KCNAB1: variants seen among roughly 807,000 people sequenced by gnomAD.
KCNAB1 encodes the protein voltage-gated potassium channel subunit beta-1.
A neutral mutation model predicts 64.6 loss-of-function variants in KCNAB1; 35 were observed. The observed-to-expected ratio is 0.54, with a 90% CI of 0.41 to 0.72. The LOEUF is 0.72. Ranked by LOEUF, KCNAB1 falls within the 30% of genes least tolerant of loss-of-function variation. The pLI, the probability that KCNAB1 is intolerant of heterozygous loss-of-function variation, is 0.00. For missense variants in KCNAB1, 401 were observed against 512.9 expected, an observed-to-expected ratio of 0.78 and a Z score of 2.11; for synonymous variants, 177 against 183.8, an observed-to-expected ratio of 0.96 and a Z score of 0.30.
rs1713302740 is a variant in KCNAB1, at chr3:156,120,885, A to G, written c.274A>G (p.Arg92Gly). Residue 92 changes from arginine to glycine, a missense_variant and splice_region_variant, in exon 1 of 14, where the codon AGG (arginine) becomes GGG (glycine). By Grantham distance (125) the Arg-to-Gly change is moderately radical. Transcript: ENST00000490337. ...CGTCTGCACCACAGGCATGCCGCAC[A>G]GGTAAGCTGCCCCTGCTCTGCGCGG... ...TTVCTTGMPH[R>G]NLGKSGLRVS... 6.2e-7 allele frequency: 1 copy of G among 1,613,602 alleles called. No homozygotes were observed. The highest frequency in any genetic ancestry group is 8.5e-7 in the Non-Finnish European group (1 of 1,179,768).
At chr3:156,232,427 C>T (rs571127887) in intron 1 of KCNAB1, among the ~76,000 whole-genome samples, 5 of 152,352 alleles carry the variant, frequency 3.3e-5, no homozygotes, top group Non-Finnish European at 5.9e-5. Context: ...TAGACAGGCT[C>T]TTATTTGCTT....
chr3:156,309,996 C>G (rs767398008), intron 1 of KCNAB1, among the ~76,000 whole-genome samples: 10 of 152,192 alleles, frequency 6.6e-5, no homozygotes, highest in Non-Finnish European at 1.2e-4. Flanking sequence ...CAAGTACCTC[C>G]AACAGGGCTT....
intron 11 of KCNAB1, among the ~76,000 whole-genome samples, chr3:156,521,635 C>T (rs2108404486): frequency 6.6e-6 from 1 of 152,306 alleles, no homozygotes; most frequent in African/African-American, 2.4e-5. Context: ...GTCCAGTCAG[C>T]AAGCAGGGTT....
At position 156,536,790 on chromosome 3, in the gene KCNAB1, C is replaced by T. The variant is rs780700507; in HGVS notation, c.*43C>T. On this transcript the variant is annotated 3_prime_UTR_variant, in exon 14 of 14. Coordinates refer to ENST00000490337, the MANE Select transcript of KCNAB1 (RefSeq NM_172160.3). The stretch of plus-strand genomic sequence containing the variant: ...AGAAGCTGCATGGTTAAAATAGCGG[C>T]CTGTGCCCAGTACAGAAAGGTGTTA... 4.8e-5 allele frequency: 65 copies of T among 1,358,830 alleles called. No homozygotes were observed. Among genetic ancestry groups the T allele is most frequent in the Non-Finnish European group, 6.4e-5 (61 of 948,130 alleles). 84.2% of individuals were successfully genotyped at this position (1,358,830 alleles called of 1,614,324 possible). A position where few individuals can be genotyped will look rare whatever the true frequency, so the allele number is the denominator to read the frequency against.
intron 13 of KCNAB1, among the ~76,000 whole-genome samples, chr3:156,534,596 G>A (rs1168236586): frequency 6.6e-6 from 1 of 152,164 alleles, no homozygotes; most frequent in African/African-American, 2.4e-5. Context: ...CAGAGCTTCG[G>A]CGATAACAGT....
At chr3:156,273,176 G>C (rs956650241) in intron 1 of KCNAB1, among the ~76,000 whole-genome samples, 4 of 151,818 alleles carry the variant, frequency 2.6e-5, no homozygotes, top group Non-Finnish European at 5.9e-5. Flanking sequence ...TATGCTGCTT[G>C]GGAGTGGGGA....
Position 156,186,043 on chromosome 3 carries a change from G to A in KCNAB1, c.275+65157G>A, listed in dbSNP as rs116790546. Among the ~76,000 whole-genome samples, 483 of 152,286 alleles carry A rather than the reference G, an allele frequency of 3.2e-3. 2 individuals carry two copies. Among genetic ancestry groups the A allele is most frequent in the African/African-American group, 0.011 (459 of 41,544 alleles). ...ATATTCTCTTCTCTGCATCTACATA[G>A]GAGCAGCTACTGAGCATAGTGCAGA... On this transcript the variant is annotated intron_variant, in intron 1 of 13. Coordinates refer to ENST00000490337, the MANE Select transcript of KCNAB1 (RefSeq NM_172160.3).
intron 1 of KCNAB1, among the ~76,000 whole-genome samples, chr3:156,400,045 A>G (rs2108188579): frequency 6.6e-6 from 1 of 152,334 alleles, no homozygotes; most frequent in South Asian, 2.1e-4. Context: ...AACACCTGAG[A>G]GTTGAGATGA....
At chr3:156,192,412 G>A (rs1713616218) in intron 1 of KCNAB1, among the ~76,000 whole-genome samples, 1 of 152,134 alleles carries the variant, frequency 6.6e-6, no homozygotes, top group African/African-American at 2.4e-5. Flanking sequence ...ATATAGCTTA[G>A]AATATAATTT....
chr3:156,209,867 G>A (rs1016625208), intron 1 of KCNAB1, among the ~76,000 whole-genome samples: 2 of 152,192 alleles, frequency 1.3e-5, no homozygotes, highest in African/African-American at 4.8e-5. Context: ...AAAGATAAGG[G>A]CTTGGAGCAG....
At chr3:156,291,459 G>A (rs769726382) in intron 1 of KCNAB1, 142 of 1,029,688 alleles carry the variant, frequency 1.4e-4, no homozygotes, top group Middle Eastern at 9.5e-4. Flanking sequence ...CGGTAAGCCT[G>A]CGCTGATTTG....
chr3:156,478,772 G>C (rs899691286), intron 8 of KCNAB1, among the ~76,000 whole-genome samples: 3 of 152,088 alleles, frequency 2.0e-5, no homozygotes, highest in African/African-American at 7.2e-5. Context: ...GCAACCATTT[G>C]AGCCAGAAAA....
intron 1 of KCNAB1, chr3:156,176,179 G>A: frequency 1.3e-6 from 1 of 774,220 alleles, no homozygotes; most frequent in Non-Finnish European, 2.4e-6. Flanking sequence ...CAAGAGATAA[G>A]AACCTTCAGA....
At chr3:156,373,905 G>T (rs1711504895) in intron 1 of KCNAB1, among the ~76,000 whole-genome samples, 1 of 152,196 alleles carries the variant, frequency 6.6e-6, no homozygotes, top group South Asian at 2.1e-4. Flanking sequence ...CAGGCAAGGG[G>T]CTGGCTCCCC....
chr3:156,126,797 A>G (rs1713682703), intron 1 of KCNAB1, among the ~76,000 whole-genome samples: 1 of 151,174 alleles, frequency 6.6e-6, no homozygotes, highest in Non-Finnish European at 1.5e-5. Context: ...TAATGATGGC[A>G]GTAATACCTT....
At chr3:156,138,252 C>T (rs1281265951) in intron 1 of KCNAB1, among the ~76,000 whole-genome samples, 1 of 152,198 alleles carries the variant, frequency 6.6e-6, no homozygotes, top group Admixed American at 6.5e-5. Flanking sequence ...CTCACAGCAT[C>T]ACCTGCAGAG....
In KCNAB1 at chr3:156,485,601, T is replaced by C. The variant is rs147107564; in HGVS notation, c.658+10781T>C. 2.9e-3 allele frequency among the ~76,000 whole-genome samples: 448 copies of C among 152,174 alleles called. 1 individual carries two copies. Among genetic ancestry groups the C allele is most frequent in the African/African-American group, 1.0e-2 (414 of 41,512 alleles). On this transcript the variant is annotated intron_variant, in intron 8 of 13. Transcript: ENST00000490337. ...ATGACTGTTAAATTTTTTTATTTTA[T>C]TCTATTTTAGATTCGGGGGTACATG...
intron 1 of KCNAB1, among the ~76,000 whole-genome samples, chr3:156,265,018 T>G (rs916807089): frequency 1.3e-5 from 2 of 152,194 alleles, no homozygotes; most frequent in African/African-American, 4.8e-5. Flanking sequence ...TCCCAGCTCC[T>G]TGACCTTACC....
At chr3:156,416,554 AG>A (rs894447717) in intron 1 of KCNAB1, among the ~76,000 whole-genome samples, 112 of 152,272 alleles carry the variant, frequency 7.4e-4, no homozygotes, top group African/African-American at 2.6e-3. Flanking sequence ...CAGCTTTCTG[AG>A]GGTCCCAATT....
Sources: gnomAD v4.1 joint callset for allele counts (sites outside exome capture counted in the v4.1 genomes callset) on GRCh38, gnomAD v4.1.1 for gene constraint, MANE v1.5 for transcripts, NCBI Gene and HGNC (gene_info 2026-07-23, HGNC 2026-07-21) for gene names.